Variants in DGKH observed in about 807,000 individuals in gnomAD.
The protein encoded by DGKH is diacylglycerol kinase eta, also known as DAG kinase eta.
A neutral mutation model predicts 159.3 loss-of-function variants in DGKH; 90 were observed. That is an observed-to-expected ratio of 0.57 (90% CI 0.48 to 0.67). The LOEUF is 0.67. Among genes scored for constraint, DGKH ranks in the 30% least tolerant of loss-of-function variants. DGKH has a pLI of 0.00. For missense variants in DGKH, 1,181 were observed against 1,506.1 expected (o/e 0.78, Z 3.57); for synonymous variants, 536 against 553.8 (o/e 0.97, Z 0.45).
intron 18 of DGKH, among the ~76,000 whole-genome samples, chr13:42,198,849 G>A (rs77802530): frequency 0.031 from 4,645 of 152,142 alleles, 92 homozygotes; most frequent in Middle Eastern, 0.065. Flanking sequence ...GCAAAGGAAG[G>A]CACCAATAAA....
At chr13:42,201,010 T>C (rs1957335415) in intron 20 of DGKH, among the ~76,000 whole-genome samples, 1 of 152,148 alleles carries the variant, frequency 6.6e-6, no homozygotes, top group South Asian at 2.1e-4. Context: ...TTTATTTTTT[T>C]GAGATGGAGT....
chr13:42,244,630 C>T (rs1400581984), downstream of DGKH, among the ~76,000 whole-genome samples: 4 of 152,080 alleles, frequency 2.6e-5, no homozygotes, highest in Non-Finnish European at 5.9e-5. Flanking sequence ...ACTGGCCGGG[C>T]GCGGTGGCTC....
intron 30 of DGKH, among the ~76,000 whole-genome samples, chr13:42,253,201 AG>A (rs1340333025): frequency 6.6e-6 from 1 of 152,090 alleles, no homozygotes; most frequent in African/African-American, 2.4e-5. Context: ...CTAATCCCCA[AG>A]GTAATGGTAT....
chr13:42,148,905 C>T (rs528630173), intron 3 of DGKH, among the ~76,000 whole-genome samples: 8 of 151,434 alleles, frequency 5.3e-5, no homozygotes, highest in African/African-American at 1.9e-4. Flanking sequence ...CACAGGAAAC[C>T]TTACTTGGCC....
chr13:42,174,131 C>G lies in DGKH; in HGVS notation c.1439C>G (p.Ser480Cys). The G allele has an allele frequency of 6.2e-7, 1 of 1,612,870 alleles. No homozygotes were observed. Among genetic ancestry groups the G allele is most frequent in the Non-Finnish European group, 8.5e-7 (1 of 1,179,554 alleles). ...CTACTTCCAGGACCTCCAGAAGCATCTGAAGAATTTTATGTAAGACTTAAC... is the reference window on the plus strand; with the variant it reads ...CTACTTCCAGGACCTCCAGAAGCATGTGAAGAATTTTATGTAAGACTTAAC... ...ASLLPGPPEA[S>C]EEFYMTIYED... is the part of the protein sequence containing the mutation. The change falls in exon 12 of 30, where the codon TCT becomes TGT. Residue 480 changes from serine to cysteine, a missense_variant. Ser to Cys is a moderately radical substitution (Grantham distance 112). This residue lies in a region of DGKH where 369 missense variants were observed against 519.4 expected (regional missense o/e 0.71). Transcript: ENST00000337343.
rs1318549952 is a variant in DGKH, at chr13:42,236,463, C to G, written c.*7275C>G. On this transcript the variant is annotated 3_prime_UTR_variant, in exon 30 of 30. Transcript: ENST00000337343. ...TTAAAATATAAAGCCAAAATGAATT[C>G]ACCAATATTAAGGATTTAATGTAGC... 6.6e-6 allele frequency: 1 copy of G among 152,086 alleles called. No individual in the cohort carries two copies. The highest frequency in any genetic ancestry group is 1.5e-5 in the Non-Finnish European group (1 of 68,018). 9.4% of individuals were successfully genotyped at this position (152,086 alleles called of 1,614,324 possible).
At chr13:42,204,616 T>C (rs1170108) in intron 20 of DGKH, among the ~76,000 whole-genome samples, 146,823 of 152,248 alleles carry the variant, frequency 0.96, 70,877 homozygotes, top group Non-Finnish European at 0.99. Flanking sequence ...ATGAGATTAA[T>C]CTCCTATGCA....
rs1011993531 is a variant in DGKH at position 42,170,270 on chromosome 13, G to C, written c.1367+1452G>C. On this transcript the variant is annotated intron_variant, in intron 11 of 29. Coordinates refer to ENST00000337343, the MANE Select transcript of DGKH (RefSeq NM_178009.5). ...TGCTATAGAAATTCACTTCTCAGTC[G>C]GGGGAGGTGGCTCACGCCTATAATC... is the stretch of plus-strand genomic sequence containing the variant. 4.6e-5 allele frequency among the ~76,000 whole-genome samples: 7 copies of C among 152,268 alleles called. No individual in the cohort carries two copies. In the South Asian group the frequency reaches 1.5e-3, roughly 32 times the overall value.
chr13:42,058,209 G>A (rs928592147), intron 1 of DGKH, among the ~76,000 whole-genome samples: 4 of 152,126 alleles, frequency 2.6e-5, no homozygotes, highest in African/African-American at 7.2e-5. Context: ...ACTTAACATC[G>A]TTGATAGATT....
intron 4 of DGKH, 80 bp downstream of exon 4, chr13:42,155,475 C>T (rs1956021275): frequency 6.7e-7 from 1 of 1,489,046 alleles, no homozygotes; most frequent in Non-Finnish European, 9.3e-7. Flanking sequence ...ACCGTGCAAA[C>T]ATAAGTATGT....
exon 31 of DGKH, chr13:42,256,333 G>T: frequency 1.3e-6 from 2 of 1,591,498 alleles, no homozygotes; most frequent in Non-Finnish European, 1.7e-6. Flanking sequence ...ATACAGAAAG[G>T]ATCAACAAGC....
intron 1 of DGKH, among the ~76,000 whole-genome samples, chr13:42,072,035 T>A (rs759659030): frequency 2.6e-5 from 4 of 152,184 alleles, no homozygotes; most frequent in Non-Finnish European, 5.9e-5. Context: ...ATTCCCAAGA[T>A]GGTCTTTAAA....
intron 1 of DGKH, among the ~76,000 whole-genome samples, chr13:42,113,725 C>T (rs997861219): frequency 2.6e-5 from 4 of 152,058 alleles, no homozygotes; most frequent in East Asian, 3.9e-4. Context: ...TCCAGACCCA[C>T]GGGAGGAGGA....
Position 42,200,270 on chromosome 13 carries a change from T to C in DGKH, c.2493+361T>C, listed in dbSNP as rs569554028. The stretch of plus-strand genomic sequence containing the variant: ...CAAAAGTTTTTCAAATCCCTGAAAA[T>C]AGCATTTGAAGTAAATAGAATCTTT... On this transcript the variant is annotated intron_variant, in intron 20 of 29. Transcript: ENST00000337343. Among the ~76,000 whole-genome samples the C allele has an allele frequency of 3.3e-5, 5 of 152,270 alleles. No homozygotes were observed. In the South Asian group the frequency reaches 1.0e-3, roughly 32 times the overall value.
At chr13:42,118,758 A>G (rs541373835) in intron 1 of DGKH, among the ~76,000 whole-genome samples, 1 of 152,334 alleles carries the variant, frequency 6.6e-6, no homozygotes, top group South Asian at 2.1e-4. Context: ...AGGGCTGTGT[A>G]GGGGCCTTCT....
intron 1 of DGKH, among the ~76,000 whole-genome samples, chr13:42,124,714 T>C (rs1157643501): frequency 6.6e-6 from 1 of 152,166 alleles, no homozygotes; most frequent in African/African-American, 2.4e-5. Context: ...TGGTAGGACA[T>C]TGAAATGGTT....
At chr13:42,049,118 GA>G (rs1881042585) in intron 1 of DGKH, among the ~76,000 whole-genome samples, 153 bp downstream of exon 1, 5 of 95,980 alleles carry the variant, frequency 5.2e-5, no homozygotes, top group Admixed American at 9.5e-5. Context: ...GGAAGGCGGG[GA>G]AGGCGGGGAA....
At chr13:42,070,065 C>T in intron 1 of DGKH, 1 of 965,248 alleles carries the variant, frequency 1.0e-6, no homozygotes. Flanking sequence ...CATCCATAAG[C>T]AAAATATTAT....
intron 13 of DGKH, among the ~76,000 whole-genome samples, chr13:42,183,519 A>G (rs968471489): frequency 1.3e-5 from 2 of 152,206 alleles, no homozygotes; most frequent in Non-Finnish European, 2.9e-5. Context: ...CAGTGATACA[A>G]TATTAAGGCA....
Sources: allele counts gnomAD v4.1 joint callset (sites outside exome capture counted in the v4.1 genomes callset), GRCh38; gene constraint gnomAD v4.1.1; regional missense constraint gnomAD v4.1.1; transcripts MANE v1.5; gene names NCBI Gene and HGNC (gene_info 2026-07-23, HGNC 2026-07-21).